GJA3: variants seen among roughly 807,000 people sequenced by gnomAD.
The protein encoded by GJA3 is gap junction alpha-3 protein.
For synonymous variants in GJA3, 297 were observed against 292.6 expected (o/e 1.02, Z -0.15); for missense variants, 571 against 620.3 (o/e 0.92, Z 0.84).
At chr13:20,151,489 A>G (rs941048903) in intron 1 of GJA3, among the ~76,000 whole-genome samples, 4 of 152,184 alleles carry the variant, frequency 2.6e-5, no homozygotes, top group Non-Finnish European at 4.4e-5. Context: ...GCGGGAAGTC[A>G]CACAACACGA....
chr13:20,159,043 A>G (rs1199465847), intron 1 of GJA3, among the ~76,000 whole-genome samples: 2 of 151,782 alleles, frequency 1.3e-5, no homozygotes, highest in African/African-American at 4.8e-5. Context: ...TATTATTTTT[A>G]TTGCCTTTAA....
chr13:20,146,127 C>G (rs960723894), intron 1 of GJA3, among the ~76,000 whole-genome samples: 1 of 152,244 alleles, frequency 6.6e-6, no homozygotes, highest in Non-Finnish European at 1.5e-5. Flanking sequence ...CAGCCTCATA[C>G]TTGCTCCAGC....
At chr13:20,151,952 T>C (rs1434448425) in intron 1 of GJA3, among the ~76,000 whole-genome samples, 2 of 152,112 alleles carry the variant, frequency 1.3e-5, no homozygotes, top group Non-Finnish European at 2.9e-5. Flanking sequence ...GGCATGCCCC[T>C]GGGCTGGTGT....
chr13:20,152,342 G>A (rs1958883436), intron 1 of GJA3, among the ~76,000 whole-genome samples: 1 of 152,074 alleles, frequency 6.6e-6, no homozygotes, highest in African/African-American at 2.4e-5. Context: ...GGTATAATTT[G>A]TACCACACTT....
intron 1 of GJA3, among the ~76,000 whole-genome samples, chr13:20,147,887 A>G (rs1428596260): frequency 6.6e-6 from 1 of 151,886 alleles, no homozygotes; most frequent in East Asian, 1.9e-4. Flanking sequence ...GATCACCGAG[A>G]GTTTAGAGTG....
At position 20,138,451 on chromosome 13, in the gene GJA3, A is replaced by G. The variant is rs1958788541; in HGVS notation, c.*3530T>C. ...GAAACAGTTTGTTGCTTTGAGTGTT[A>G]TTCAAATCCCTAACTTGTTTGCCTT... On this transcript the variant is annotated 3_prime_UTR_variant, in exon 2 of 2. Transcript: ENST00000241125. 1 of 152,206 alleles carries G rather than the reference A, an allele frequency of 6.6e-6. No individual in the cohort carries two copies. The allele number at this position is 152,206 out of a possible 1,614,324, so 9.4% of individuals were successfully genotyped here.
chr13:20,160,734 G>A (rs542596642), intron 1 of GJA3, among the ~76,000 whole-genome samples, 156 bp downstream of exon 1: 114 of 152,228 alleles, frequency 7.5e-4, no homozygotes, highest in African/African-American at 2.6e-3. Flanking sequence ...TAGGGGGCTG[G>A]GAGCCGCACA....
At chr13:20,161,417 G>C (rs1011952570), upstream of GJA3, among the ~76,000 whole-genome samples, 5 of 151,984 alleles carry the variant, frequency 3.3e-5, no homozygotes, top group African/African-American at 1.2e-4. Context: ...AGATGCGCCA[G>C]CCCGCGCCCC....
intron 1 of GJA3, among the ~76,000 whole-genome samples, chr13:20,150,372 GGTGTGTGTGTGTGT>G (rs71816956): frequency 6.8e-6 from 1 of 147,998 alleles, no homozygotes; most frequent in Admixed American, 6.7e-5. Context: ...CACTGCTCCT[GGTGTGTGTGTGTGT>G]GTGTGTGTGT....
At position 20,138,771 on chromosome 13, in the gene GJA3, T is replaced by C. The variant is rs779184721; in HGVS notation, c.*3210A>G. 2 of 152,196 alleles carry C rather than the reference T, an allele frequency of 1.3e-5. No individual in the cohort carries two copies. The highest frequency in any genetic ancestry group is 2.9e-5 in the Non-Finnish European group (2 of 68,032). 9.4% of individuals were successfully genotyped at this position (152,196 alleles called of 1,614,324 possible). ...TTTATTTTGGTGGAGATTCATGAAT[T>C]AGTGTTACAAATATCAGAAGTTCAA... On this transcript the variant is annotated 3_prime_UTR_variant, in exon 2 of 2. Transcript: ENST00000241125.
intron 1 of GJA3, among the ~76,000 whole-genome samples, chr13:20,150,999 A>G (rs762023405): frequency 2.2e-4 from 34 of 152,168 alleles, no homozygotes; most frequent in Admixed American, 3.9e-4. Flanking sequence ...GTACATCAAG[A>G]ACGTCAGGAA....
chr13:20,143,050 A>G lies in GJA3; in HGVS notation c.239T>C (p.Leu80Pro). The G allele has an allele frequency of 6.2e-7, 1 of 1,613,578 alleles. No homozygotes were observed. Among genetic ancestry groups the G allele is most frequent in the South Asian group, 1.1e-5 (1 of 90,968 alleles). Reference protein sequence around the residue: ...FPISHIRFWALQIIFVSTPTL... With the variant: ...FPISHIRFWAPQIIFVSTPTL... ...GGGCGTGGACACGAAGATGATCTGC[A>G]GCGCCCAGAAGCGGATGTGGGAGAT... is the stretch of plus-strand genomic sequence containing the variant. Residue 80 changes from leucine to proline, a missense_variant, in exon 2 of 2, where the codon CTG becomes CCG. By Grantham distance (98) the Leu-to-Pro change is moderately conservative. Coordinates refer to ENST00000241125, the MANE Select transcript of GJA3 (RefSeq NM_021954.4).
At position 20,153,461 on chromosome 13, in the gene GJA3, G is replaced by T. The variant is rs556320708; in HGVS notation, c.-18+7429C>A. On this transcript the variant is annotated intron_variant, in intron 1 of 1. Transcript: ENST00000241125. ...TGGAATACTATGCAGCCATAAAAAA[G>T]GATGAGTTCATGTCCTTTGTAGGGA... Among the ~76,000 whole-genome samples, 3 of 152,238 alleles carry T rather than the reference G, an allele frequency of 2.0e-5. No individual in the cohort carries two copies. The East Asian group carries it at 5.8e-4, about 29-fold the overall frequency.
At chr13:20,159,619 CA>C (rs1318982798) in intron 1 of GJA3, among the ~76,000 whole-genome samples, 3 of 151,844 alleles carry the variant, frequency 2.0e-5, no homozygotes, top group African/African-American at 4.8e-5. Context: ...TCCTTATTGG[CA>C]AAAAATTTTG....
At chr13:20,147,468 C>T (rs957950383) in intron 1 of GJA3, among the ~76,000 whole-genome samples, 1 of 152,124 alleles carries the variant, frequency 6.6e-6, no homozygotes, top group African/African-American at 2.4e-5. Context: ...TTTTTCAGAA[C>T]ATTAATGACG....
intron 1 of GJA3, among the ~76,000 whole-genome samples, chr13:20,158,556 A>G (rs534545382): frequency 6.6e-6 from 1 of 152,148 alleles, no homozygotes; most frequent in African/African-American, 2.4e-5. Flanking sequence ...AATAAGACAC[A>G]TAAGAGTGTG....
chr13:20,143,996 T>C (rs1958828279), intron 1 of GJA3, among the ~76,000 whole-genome samples: 2 of 152,202 alleles, frequency 1.3e-5, no homozygotes, highest in South Asian at 4.1e-4. Flanking sequence ...ATACAGTCTA[T>C]GGGATATTGC....
At position 20,142,513 on chromosome 13, in the gene GJA3, G is replaced by A. The variant is rs1421099777; in HGVS notation, c.776C>T (p.Ser259Phe). 6.4e-6 allele frequency: 10 copies of A among 1,554,076 alleles called. No homozygotes were observed. In the East Asian group the frequency reaches 1.9e-4, roughly 30 times the overall value. ...TADPPPLPPS[S>F]RPPAVAIGFP... The stretch of plus-strand genomic sequence containing the variant: ...CCCGATGGCAACGGCGGGCGGCCGG[G>A]AGCTGGGGGGCAGGGGCGGGGGATC... The change falls in exon 2 of 2, where the codon TCC becomes TTC. Residue 259 changes from serine (S) to phenylalanine (F), a missense_variant. Physicochemically the swap from Ser to Phe is radical, Grantham distance 155. Transcript: ENST00000241125.
intron 1 of GJA3, among the ~76,000 whole-genome samples, chr13:20,155,701 A>G (rs535913513): frequency 6.6e-6 from 1 of 151,552 alleles, no homozygotes; most frequent in East Asian, 1.9e-4. Flanking sequence ...CCCTTGTCCT[A>G]TTTTGTATGC....
Sources: allele counts gnomAD v4.1 joint callset (sites outside exome capture counted in the v4.1 genomes callset), GRCh38; gene constraint gnomAD v4.1.1; transcripts MANE v1.5; gene names NCBI Gene and HGNC (gene_info 2026-07-23, HGNC 2026-07-21).